Variants in FBXO41 observed in about 807,000 individuals in gnomAD.
The protein encoded by FBXO41 is F-box only protein 41.
In FBXO41, 33 loss-of-function variants were observed where a neutral mutation model predicts 81.6. The observed-to-expected ratio is 0.40, with a 90% CI of 0.31 to 0.54. The LOEUF (loss-of-function observed/expected upper bound fraction) is 0.54, where lower values mean the gene tolerates loss of function less well. Ranked by LOEUF, FBXO41 falls within the 20% of genes least tolerant of loss-of-function variation. The pLI, the probability that FBXO41 is intolerant of heterozygous loss-of-function variation, is 0.39. For missense variants in FBXO41, 1,107 were observed against 1,236.0 expected (o/e 0.90, Z 1.56); for synonymous variants, 576 against 552.7 (o/e 1.04, Z -0.59).
At chr2:73,271,286 G>C (rs1688481633) in intron 1 of FBXO41, 5 of 260,758 alleles carry the variant, frequency 1.9e-5, no homozygotes, top group Non-Finnish European at 1.5e-5. Flanking sequence ...TTGACCATAG[G>C]GAACCATCCT....
At chr2:73,268,626 T>C in intron 2 of FBXO41, 100 bp downstream of exon 2, 9 of 1,196,754 alleles carry the variant, frequency 7.5e-6, no homozygotes, top group Non-Finnish European at 1.0e-5. Context: ...TACAAAGCCA[T>C]GGCCACATAC....
chr2:73,278,652 C>T (rs1688759856), intron 1 of FBXO41, among the ~76,000 whole-genome samples: 1 of 152,198 alleles, frequency 6.6e-6, no homozygotes, highest in Non-Finnish European at 1.5e-5. Context: ...CTACACTTAA[C>T]TTGAGGAATT....
rs994799363 is a variant in FBXO41, at chr2:73,266,218, G to A, written c.1131+239C>T. ...TCCTGGACTCTCATTTGCAGGGATGGGCAGAGATAGCCCCCGAGGGCTGGG... is the reference window on the plus strand; with the variant it reads ...TCCTGGACTCTCATTTGCAGGGATGAGCAGAGATAGCCCCCGAGGGCTGGG... On this transcript the variant is annotated intron_variant, in intron 3 of 12. Coordinates refer to ENST00000520530, the MANE Select transcript of FBXO41 (RefSeq NM_001371389.2). This position sits in a 1 kb window ranked among gnomAD's most constrained non-coding sequence, Gnocchi z 5.3. 6.6e-6 allele frequency among the ~76,000 whole-genome samples: 1 copy of A among 152,162 alleles called. No individual in the cohort carries two copies. Among genetic ancestry groups the A allele is most frequent in the Admixed American group, 6.5e-5 (1 of 15,290 alleles).
In FBXO41 at chr2:73,264,341, G is replaced by T; in HGVS notation, c.1743C>A (p.Phe581Leu). 6.2e-7 allele frequency: 1 copy of T among 1,613,708 alleles called. No individual in the cohort carries two copies. The highest frequency in any genetic ancestry group is 1.1e-5 in the South Asian group (1 of 91,086). ...TCCAGACTGCGGGGTGGCGGGCCAC[G>T]AAGCGCCAGTCCCGGCAGACCTCGG... Reference protein sequence around the residue: ...HAAEVCRDWRFVARHPAVWTR... With the variant: ...HAAEVCRDWRLVARHPAVWTR... Residue 581 changes from phenylalanine to leucine, a missense_variant, in exon 6 of 13, where the codon TTC becomes TTA. By Grantham distance (22) the Phe-to-Leu change is conservative. This residue lies in a region of FBXO41 where 336 missense variants were observed against 446.7 expected (regional missense o/e 0.75). Transcript: ENST00000520530.
At chr2:73,279,327 A>G (rs1043506409) in intron 1 of FBXO41, among the ~76,000 whole-genome samples, 1 of 152,188 alleles carries the variant, frequency 6.6e-6, no homozygotes, top group African/African-American at 2.4e-5. Flanking sequence ...GGGCCGTGGA[A>G]GTAGAGATAT....
Position 73,263,223 on chromosome 2 carries a change from G to T in FBXO41, c.2161C>A (p.Leu721Ile), listed in dbSNP as rs1688083155. 7.7e-6 allele frequency: 12 copies of T among 1,555,512 alleles called. No homozygotes were observed. The highest frequency in any genetic ancestry group is 1.0e-5 in the Non-Finnish European group (12 of 1,149,254). ...CCTGCCAGGGCTCACCAGGGGTGAAGTGGTGCCACTTGGAGGGAGACGATC... is the reference window on the plus strand; with the variant it reads ...CCTGCCAGGGCTCACCAGGGGTGAATTGGTGCCACTTGGAGGGAGACGATC... ...REIVSLQVAP[L>I]HPCQQPTRFS... The change falls in exon 9 of 13, where the codon CTT (leucine) becomes ATT (isoleucine). Residue 721 changes from leucine (L) to isoleucine (I), a missense_variant. This residue lies in a region of FBXO41 where 336 missense variants were observed against 446.7 expected (regional missense o/e 0.75). Coordinates refer to ENST00000520530, the MANE Select transcript of FBXO41 (RefSeq NM_001371389.2).
intron 2 of FBXO41, 78 bp downstream of exon 2, chr2:73,268,648 G>A: frequency 1.5e-6 from 2 of 1,371,746 alleles, no homozygotes; most frequent in Non-Finnish European, 1.9e-6. Flanking sequence ...GACACACTCA[G>A]GCACGCCCAC....
In FBXO41 at chr2:73,264,277, C is replaced by T; in HGVS notation, c.1806+1G>A. 6.2e-7 allele frequency: 1 copy of T among 1,613,344 alleles called. No individual in the cohort carries two copies. Among genetic ancestry groups the T allele is most frequent in the Non-Finnish European group, 8.5e-7 (1 of 1,179,844 alleles). On this transcript the variant is annotated splice_donor_variant, in intron 6 of 12. Coordinates refer to ENST00000520530, the MANE Select transcript of FBXO41 (RefSeq NM_001371389.2). LOFTEE classifies it high-confidence loss of function. ...CACAGAAGGCAGGCAGGGGCAGGTA[C>T]CTTGGAGCAGACACGGGCATTCTCA...
Position 73,266,628 on chromosome 2 carries a change from G to A in FBXO41, c.960C>T (p.Ser320=), listed in dbSNP as rs552984562. The change falls in exon 3 of 13, where the codon AGC becomes AGT. Residue 320 remains serine (S), a synonymous_variant. Transcript: ENST00000520530. The surrounding 1 kb of genome is among the most constrained non-coding windows in gnomAD (Gnocchi z 5.3). ...FLKETAAREA[S]AKLRLQQFIE... is the part of the protein sequence containing the mutation. ...TGAACTGCTGCAGCCGCAGCTTGGC[G>A]CTGGCCTCCCGCGCCGCCGTCTCCT... is the stretch of plus-strand genomic sequence containing the variant. 7.0e-5 allele frequency: 112 copies of A among 1,608,320 alleles called. No individual in the cohort carries two copies. Among genetic ancestry groups the A allele is most frequent in the South Asian group, 6.5e-4 (59 of 90,456 alleles).
rs545009690 is a variant in FBXO41, at chr2:73,270,781, C to T, written c.-138-1013G>A. The T allele has an allele frequency of 5.2e-5, 28 of 533,480 alleles. 1 individual carries two copies. Among genetic ancestry groups the T allele is most frequent in the South Asian group, 3.8e-4 (27 of 71,510 alleles). The allele number at this position is 533,480 out of a possible 1,614,324, so 33.0% of individuals were successfully genotyped here. A position where few individuals can be genotyped will look rare whatever the true frequency, so the allele number is the denominator to read the frequency against. ...TGCCCCTCCATCTCTGGCTTCTTGTCACTCTTCTCCTACCTTGTGGGGTCT... is the reference window on the plus strand; with the variant it reads ...TGCCCCTCCATCTCTGGCTTCTTGTTACTCTTCTCCTACCTTGTGGGGTCT... On this transcript the variant is annotated intron_variant, in intron 1 of 12. Transcript: ENST00000520530.
rs370347198 is a variant in FBXO41, at chr2:73,265,902, G to C, written c.1196C>G (p.Pro399Arg). ...TYAVSRHGSS[P>R]STGASSRVPA... The stretch of plus-strand genomic sequence containing the variant: ...TGGGCCCAAGGCTTACCCTGTGCTC[G>C]GAGAGGAGCCATGCCGTGACACTGC... Residue 399 changes from proline (P) to arginine (R), a missense_variant, in exon 4 of 13, where the codon CCG becomes CGG. Around this residue, in one of 2 missense-constraint regions of FBXO41, gnomAD observed 771 missense variants for 789.2 expected, o/e 0.98. Transcript: ENST00000520530. The C allele has an allele frequency of 6.3e-7, 1 of 1,585,930 alleles. No homozygotes were observed. Among genetic ancestry groups the C allele is most frequent in the Admixed American group, 1.8e-5 (1 of 56,052 alleles).
At chr2:73,263,436 C>T (rs1472553436) in intron 8 of FBXO41, 128 bp from the exon 9 acceptor site, 11 of 754,218 alleles carry the variant, frequency 1.5e-5, no homozygotes, top group African/African-American at 1.1e-4. Flanking sequence ...TTGGGCAATA[C>T]GGCGAGACCC....
intron 1 of FBXO41, among the ~76,000 whole-genome samples, chr2:73,271,756 G>A (rs1244217495): frequency 1.3e-5 from 2 of 151,810 alleles, no homozygotes; most frequent in African/African-American, 2.4e-5. Context: ...TCAGCCTCCC[G>A]AGTAGCTGGG....
At chr2:73,270,152 C>G (rs1197590676) in intron 1 of FBXO41, among the ~76,000 whole-genome samples, 1 of 152,130 alleles carries the variant, frequency 6.6e-6, no homozygotes, top group Non-Finnish European at 1.5e-5. Context: ...TATTATGTTG[C>G]ATGAAAGAAG....
Position 73,268,576 on chromosome 2 carries a change from C to T in FBXO41, c.905+150G>A, listed in dbSNP as rs909652153. On this transcript the variant is annotated intron_variant, in intron 2 of 12. Transcript: ENST00000520530. ...CAGTACCACATATCATCATGACACT[C>T]TTGGCCCCACATGCATGCTCCTGGC... is the stretch of plus-strand genomic sequence containing the variant. 1.1e-5 allele frequency: 8 copies of T among 726,560 alleles called. No individual in the cohort carries two copies. The African/African-American group carries it at 1.5e-4, about 13-fold the overall frequency. The allele number at this position is 726,560 out of a possible 1,614,324, so 45.0% of individuals were successfully genotyped here.
chr2:73,268,144 G>A lies in FBXO41; in HGVS notation c.905+582C>T, dbSNP rs114368539. Among the ~76,000 whole-genome samples the A allele has an allele frequency of 5.7e-3, 875 of 152,312 alleles. 4 individuals are homozygous for A. Among genetic ancestry groups the A allele is most frequent in the African/African-American group, 0.019 (784 of 41,556 alleles). On this transcript the variant is annotated intron_variant, in intron 2 of 12. Transcript: ENST00000520530. ...ATGCCACCAATGGGCCAAGTAAGACGATGGCTAGGCCTTAGCAACAGGAAG... is the reference window on the plus strand; with the variant it reads ...ATGCCACCAATGGGCCAAGTAAGACAATGGCTAGGCCTTAGCAACAGGAAG...
chr2:73,275,959 G>T (rs1688669938), intron 1 of FBXO41, among the ~76,000 whole-genome samples: 1 of 151,164 alleles, frequency 6.6e-6, no homozygotes, highest in Admixed American at 6.6e-5. Context: ...GCTAATTTTT[G>T]TATTTTTAGT....
At chr2:73,273,118 T>C (rs1240476154) in intron 1 of FBXO41, 4 of 152,148 alleles carry the variant, frequency 2.6e-5, no homozygotes, top group Non-Finnish European at 4.4e-5. Flanking sequence ...CTCTCCATCA[T>C]TGTAGTTGGG....
In FBXO41 at chr2:73,262,768, G is replaced by A. The variant is rs151051882; in HGVS notation, c.2171+445C>T. 1.4e-3 allele frequency among the ~76,000 whole-genome samples: 213 copies of A among 151,942 alleles called. 2 individuals are homozygous for A. Among genetic ancestry groups the A allele is most frequent in the African/African-American group, 4.9e-3 (204 of 41,314 alleles). On this transcript the variant is annotated intron_variant, in intron 9 of 12. Coordinates refer to ENST00000520530, the MANE Select transcript of FBXO41 (RefSeq NM_001371389.2). ...TTATTTATTTATTTATTTATTAGAC[G>A]GAGTTTCCATCTTGTTGCCCAGGCT...
Sources: gnomAD v4.1 joint callset for allele counts (sites outside exome capture counted in the v4.1 genomes callset) on GRCh38, gnomAD v4.1.1 for gene constraint, gnomAD v4.1.1 regional missense constraint, Gnocchi (gnomAD v3.1) non-coding constraint, MANE v1.5 for transcripts, NCBI Gene and HGNC (gene_info 2026-07-23, HGNC 2026-07-21) for gene names.